NLRP1: variants seen among roughly 807,000 people sequenced by gnomAD.
The protein encoded by NLRP1 is NACHT, LRR and PYD domains-containing protein 1.
In NLRP1, 94 loss-of-function variants were observed where a neutral mutation model predicts 136.7. That is an observed-to-expected ratio of 0.69 (90% CI 0.58 to 0.82). The LOEUF is 0.82. NLRP1 is among the 40% of genes least tolerant of loss of function. The pLI, the probability that NLRP1 is intolerant of heterozygous loss-of-function variation, is 0.00. For synonymous variants in NLRP1, 690 were observed against 725.1 expected (o/e 0.95, Z 0.78); for missense variants, 1,575 against 1,802.7 (o/e 0.87, Z 2.29).
In NLRP1 at chr17:5,582,865, G is replaced by C. The variant is rs771725859; in HGVS notation, c.272-19C>G. ...GAGTGGCCTACAGGAAAGAGACAAA[G>C]AGGTTGGAGACACATCAGAGGGGCA... On this transcript the variant is annotated intron_variant, in intron 1 of 16. Coordinates refer to ENST00000572272, the MANE Select transcript of NLRP1 (RefSeq NM_033004.4). 13 of 1,585,362 alleles carry C rather than the reference G, an allele frequency of 8.2e-6. No homozygotes were observed. Among genetic ancestry groups the C allele is most frequent in the Admixed American group, 3.5e-5 (2 of 57,616 alleles).
At position 5,521,722 on chromosome 17, in the gene NLRP1, C is replaced by G. The variant is rs1908928876; in HGVS notation, c.3585G>C (p.Glu1195Asp). Residue 1195 changes from glutamate (E) to aspartate (D), a missense_variant, in exon 13 of 17, where the codon GAG becomes GAC. Physicochemically the swap from Glu to Asp is conservative, Grantham distance 45 (BLOSUM62 2). Transcript: ENST00000572272. The part of the protein sequence containing the change: ...AHFKEEGMLL[E>D]KPARVELHHI... ...GATGCAGCTCCACCCTGGCTGGCTT[C>G]TCCAGGAGCATCCCCTCCTCTTTAA... is the stretch of plus-strand genomic sequence containing the variant. The G allele has an allele frequency of 1.2e-6, 2 of 1,613,276 alleles. No individual in the cohort carries two copies. The highest frequency in any genetic ancestry group is 1.7e-6 in the Non-Finnish European group (2 of 1,179,956).
intron 5 of NLRP1, among the ~76,000 whole-genome samples, chr17:5,550,918 A>C (rs1023785482): frequency 2.0e-5 from 3 of 152,178 alleles, no homozygotes; most frequent in Non-Finnish European, 4.4e-5. Flanking sequence ...CAAAAAGTAC[A>C]GCGAGTTCCC....
Position 5,542,042 on chromosome 17 carries a change from C to A in NLRP1, c.2529-15G>T, listed in dbSNP as rs199702561. The A allele has an allele frequency of 3.7e-6, 6 of 1,609,532 alleles. No homozygotes were observed. The highest frequency in any genetic ancestry group is 2.5e-6 in the Non-Finnish European group (3 of 1,178,192). On this transcript the variant is annotated splice_polypyrimidine_tract_variant and intron_variant, in intron 5 of 16. Coordinates refer to ENST00000572272, the MANE Select transcript of NLRP1 (RefSeq NM_033004.4). Reference sequence around the variant, plus strand: ...AGCCAGCCAACCTGTGGAAGACACACACCCATGGTCTTCAGGTTACTCACC... The same window carrying A: ...AGCCAGCCAACCTGTGGAAGACACAAACCCATGGTCTTCAGGTTACTCACC...
At chr17:5,575,509 G>C (rs2151823443) in intron 3 of NLRP1, among the ~76,000 whole-genome samples, 1 of 152,198 alleles carries the variant, frequency 6.6e-6, no homozygotes, top group South Asian at 2.1e-4. Context: ...AACCAACAAA[G>C]ACTAAAAGAG....
chr17:5,539,387 T>A, intron 7 of NLRP1, 28 bp downstream of exon 7: 1 of 1,584,214 alleles, frequency 6.3e-7, no homozygotes, highest in Non-Finnish European at 8.6e-7. Flanking sequence ...CTCTTCCCTC[T>A]GCCCAGAAGG....
In NLRP1 at chr17:5,520,942, T is replaced by C; in HGVS notation, c.3854A>G (p.Tyr1285Cys). Reference protein sequence around the residue: ...IHKPPPLTPLYMGCRYTVSGS... With the variant: ...IHKPPPLTPLCMGCRYTVSGS... Reference sequence around the variant, plus strand: ...AGACACAGTGTAACGACAGCCCATATAAAGTGGGGTCAGCGGGGGTGGCTT... The same window carrying C: ...AGACACAGTGTAACGACAGCCCATACAAAGTGGGGTCAGCGGGGGTGGCTT... Residue 1285 changes from tyrosine to cysteine, a missense_variant, in exon 14 of 17, where the codon TAT (tyrosine) becomes TGT (cysteine). Coordinates refer to ENST00000572272, the MANE Select transcript of NLRP1 (RefSeq NM_033004.4). The C allele has an allele frequency of 6.2e-7, 1 of 1,612,406 alleles. No homozygotes were observed.
At chr17:5,545,517 CACACAG>C (rs565867931) in intron 5 of NLRP1, among the ~76,000 whole-genome samples, 17,328 of 145,638 alleles carry the variant, frequency 0.12, 1,128 homozygotes, top group African/African-American at 0.18. Flanking sequence ...CACACATACA[CACACAG>C]ACACAGACAC....
At position 5,508,006 on chromosome 17, in the gene NLRP1, C is replaced by T. The variant is rs868214518; in HGVS notation, c.4070-6134G>A. 2.7e-5 allele frequency among the ~76,000 whole-genome samples: 4 copies of T among 150,172 alleles called. No homozygotes were observed. The South Asian group carries it at 6.4e-4, about 24-fold the overall frequency. ...AAAATTAGCCAGGCGTGGTGGCGCA[C>T]GCCTGTAATCCTAGCTACTCAGGAG... On this transcript the variant is annotated intron_variant, in intron 15 of 15. Coordinates refer to the NLRP1 transcript ENST00000262467.
intron 5 of NLRP1, among the ~76,000 whole-genome samples, chr17:5,544,584 C>T (rs1912318256): frequency 6.6e-6 from 1 of 152,230 alleles, no homozygotes. Flanking sequence ...TGGACAAACA[C>T]TGCTAGTGTC....
At position 5,517,861 on chromosome 17, in the gene NLRP1, A is replaced by G. The variant is rs199808820; in HGVS notation, c.3942T>C (p.Pro1314=). The G allele has an allele frequency of 3.3e-5, 54 of 1,614,096 alleles. No individual in the cohort carries two copies. In the African/African-American group the frequency reaches 6.4e-4, roughly 19 times the overall value. Residue 1314 remains proline, a synonymous_variant, in exon 15 of 17, where the codon CCT becomes CCC. Coordinates refer to ENST00000572272, the MANE Select transcript of NLRP1 (RefSeq NM_033004.4). ...ACTCCGAGAACAGCTGGTCTTCTCC[A>G]GGGCTTCGATAGCAGAGCTCCAGTT... ...PKELELCYRS[P]GEDQLFSEFY...
In NLRP1 at chr17:5,569,311, TA is replaced by T. The variant is rs565492805; in HGVS notation, c.653-9269del. On this transcript the variant is annotated intron_variant, in intron 3 of 16. Transcript: ENST00000572272. ...ATGTAAATGGGCTAAATGCTCCCAT[TA>T]AAAGGCACAGAGTGGCAAGTTCAAT... Among the ~76,000 whole-genome samples, 7 of 152,282 alleles carry T rather than the reference TA, an allele frequency of 4.6e-5. No homozygotes were observed. In the East Asian group the frequency reaches 1.4e-3, roughly 29 times the overall value.
chr17:5,548,211 C>T (rs1346713017), intron 5 of NLRP1, among the ~76,000 whole-genome samples: 1 of 152,220 alleles, frequency 6.6e-6, no homozygotes, highest in East Asian at 1.9e-4. Context: ...CCCTCACACT[C>T]ACTCCTAGCA....
At position 5,517,159 on chromosome 17, in the gene NLRP1, G is replaced by A. The variant is rs78730753; in HGVS notation, c.4057+587C>T. On this transcript the variant is annotated intron_variant, in intron 15 of 16. Coordinates refer to ENST00000572272, the MANE Select transcript of NLRP1 (RefSeq NM_033004.4). The stretch of plus-strand genomic sequence containing the variant: ...CTTAGCTAAAAGCTTTGTGTATGTC[G>A]ACATCTGTTAATTCAAGGGCACTGT... 9.1e-3 allele frequency among the ~76,000 whole-genome samples: 1,380 copies of A among 152,152 alleles called. 20 individuals are homozygous for A. The highest frequency in any genetic ancestry group is 0.03 in the African/African-American group (1,246 of 41,470).
chr17:5,558,219 C>A, intron 4 of NLRP1, 120 bp downstream of exon 4: 2 of 1,059,556 alleles, frequency 1.9e-6, no homozygotes, highest in Non-Finnish European at 2.8e-6. Context: ...CACTGGAGAC[C>A]CTGATCCTTT....
intron 14 of NLRP1, among the ~76,000 whole-genome samples, chr17:5,519,553 T>A (rs1908632105): frequency 6.6e-6 from 1 of 150,820 alleles, no homozygotes. Flanking sequence ...TTCAAGCAAT[T>A]CTCCTGCCTC....
intron 15 of NLRP1, chr17:5,503,368 A>G (rs1275548514): frequency 6.6e-6 from 1 of 152,340 alleles, no homozygotes; most frequent in East Asian, 1.9e-4. Context: ...AACCATGCAA[A>G]GGCTTATTGG....
At chr17:5,549,005 G>T (rs908530908) in intron 5 of NLRP1, among the ~76,000 whole-genome samples, 2 of 152,068 alleles carry the variant, frequency 1.3e-5, no homozygotes, top group African/African-American at 4.8e-5. Context: ...ATTCTGCTAG[G>T]GATTGTGTTG....
intron 8 of NLRP1, among the ~76,000 whole-genome samples, chr17:5,534,774 G>T (rs1910807064): frequency 6.6e-6 from 1 of 152,150 alleles, no homozygotes; most frequent in Admixed American, 6.5e-5. Flanking sequence ...ATTGCTTCTG[G>T]GGGAAAATGG....
intron 3 of NLRP1, among the ~76,000 whole-genome samples, chr17:5,562,465 C>G (rs1342478864): frequency 6.6e-6 from 1 of 152,194 alleles, no homozygotes. Flanking sequence ...TTTACCAGAA[C>G]ACCCAACAAA....
Sources: gnomAD v4.1 joint callset for allele counts (sites outside exome capture counted in the v4.1 genomes callset) on GRCh38, gnomAD v4.1.1 for gene constraint, MANE v1.5 for transcripts, NCBI Gene and HGNC (gene_info 2026-07-23, HGNC 2026-07-21) for gene names.